The following EHBP1L1 variants were observed in gnomAD, a reference collection of about 807,000 sequenced individuals.
EHBP1L1 encodes the protein EH domain binding protein 1 like 1.
A neutral mutation model predicts 151.1 loss-of-function variants in EHBP1L1; 122 were observed. The ratio of observed to expected loss-of-function variants is 0.81; its 90% CI spans 0.70 to 0.94. The LOEUF is 0.94. Among genes scored for constraint, EHBP1L1 ranks in the 40% least tolerant of loss-of-function variants. EHBP1L1 has a pLI of 0.00. For missense variants in EHBP1L1, 1,941 were observed against 1,959.8 expected, an observed-to-expected ratio of 0.99 and a Z score of 0.18; for synonymous variants, 878 against 810.1, an observed-to-expected ratio of 1.08 and a Z score of -1.42.
At position 65,581,080 on chromosome 11, in the gene EHBP1L1, G is replaced by T. The variant is rs762977125; in HGVS notation, c.657G>T (p.Thr219=). The T allele has an allele frequency of 6.2e-7, 1 of 1,612,116 alleles. No individual in the cohort carries two copies. Among genetic ancestry groups the T allele is most frequent in the African/African-American group, 1.3e-5 (1 of 74,998 alleles). The change falls in exon 7 of 19, where the codon ACG becomes ACT. Residue 219 remains threonine, a synonymous_variant. Transcript: ENST00000309295. ...PQPDPSRELK[T]LCEEEEEGQG... ...CAGATCCCTCTCGAGAGCTGAAGAC[G>T]CTTTGTGAGGAGGAGGAGGAAGGCC...
chr11:65,578,544 G>C (rs1334840929), intron 1 of EHBP1L1, among the ~76,000 whole-genome samples: 1 of 152,138 alleles, frequency 6.6e-6, no homozygotes, highest in Admixed American at 6.5e-5. Flanking sequence ...TTCTTGACTG[G>C]TAGTCTGCCC....
chr11:65,577,238 C>T (rs955142845), intron 1 of EHBP1L1, among the ~76,000 whole-genome samples: 6 of 151,794 alleles, frequency 4.0e-5, no homozygotes, highest in Admixed American at 1.3e-4. Context: ...GGGCCTCACC[C>T]GCCAGGCGGG....
Position 65,590,475 on chromosome 11 carries a change from T to C in EHBP1L1, c.4184-18T>C. The C allele has an allele frequency of 1.1e-5, 18 of 1,611,588 alleles. No homozygotes were observed. The highest frequency in any genetic ancestry group is 1.5e-5 in the Non-Finnish European group (18 of 1,179,298). On this transcript the variant is annotated intron_variant, in intron 15 of 18. Coordinates refer to ENST00000309295, the MANE Select transcript of EHBP1L1 (RefSeq NM_001099409.3). Reference sequence around the variant, plus strand: ...CGGGGCAGGGGGCAGGCCTGGTGACTGTCCCTGTCCAATGCAGGTGCCAAC... The same window carrying C: ...CGGGGCAGGGGGCAGGCCTGGTGACCGTCCCTGTCCAATGCAGGTGCCAAC...
rs1358825930 is a variant in EHBP1L1, at chr11:65,581,633, G to T, written c.961G>T (p.Glu321Ter). Residue 321 changes from glutamate (E) to a stop codon, truncating the protein, a stop_gained, in exon 9 of 19, where the codon GAA becomes TAA. Coordinates refer to ENST00000309295, the MANE Select transcript of EHBP1L1 (RefSeq NM_001099409.3). LOFTEE classifies it high-confidence loss of function. ...CCTCCGGCCCCCAGTCCCCCAGGGGGAAGATGAGGTCCCCAAAGCCTCAGG... is the reference window on the plus strand; with the variant it reads ...CCTCCGGCCCCCAGTCCCCCAGGGGTAAGATGAGGTCCCCAAAGCCTCAGG... Reference protein sequence around the residue: ...DALRPPVPQGEDEVPKASGAP... With the variant: ...DALRPPVPQG The T allele has an allele frequency of 1.9e-6, 3 of 1,551,868 alleles. No individual in the cohort carries two copies.
Position 65,582,788 on chromosome 11 carries a change from G to A in EHBP1L1, c.2116G>A (p.Val706Met). Reference protein sequence around the residue: ...SEMLGTQETEVEASRVPESEA... With the variant: ...SEMLGTQETEMEASRVPESEA... ...GATGCTGGGGACCCAGGAGACAGAGGTGGAAGCTTCTAGGGTACCAGAGTC... is the reference window on the plus strand; with the variant it reads ...GATGCTGGGGACCCAGGAGACAGAGATGGAAGCTTCTAGGGTACCAGAGTC... Residue 706 changes from valine (V) to methionine (M), a missense_variant, in exon 9 of 19, where the codon GTG becomes ATG. Transcript: ENST00000309295. 1.2e-6 allele frequency: 2 copies of A among 1,613,646 alleles called. No homozygotes were observed. Among genetic ancestry groups the A allele is most frequent in the Non-Finnish European group, 1.7e-6 (2 of 1,179,842 alleles).
chr11:65,577,647 C>G (rs1857394558), intron 1 of EHBP1L1, among the ~76,000 whole-genome samples: 1 of 152,060 alleles, frequency 6.6e-6, no homozygotes, highest in Admixed American at 6.5e-5. Context: ...CAGCCTGAGT[C>G]AGGCTGCCCA....
At chr11:65,580,620 A>T in intron 6 of EHBP1L1, 141 bp downstream of exon 6, 3 of 1,139,422 alleles carry the variant, frequency 2.6e-6, no homozygotes, top group Non-Finnish European at 3.6e-6. Context: ...CAGCAGCCTC[A>T]ATTGTCCCAA....
Position 65,585,906 on chromosome 11 carries a change from G to C in EHBP1L1, c.3933+315G>C, listed in dbSNP as rs576619348. On this transcript the variant is annotated intron_variant, in intron 12 of 18. Transcript: ENST00000309295. The surrounding 1 kb of genome is among the most constrained non-coding windows in gnomAD (Gnocchi z 4.0). ...GAGGGTTTTTAGTGCTTGGCACTTG[G>C]TGTGGGGAATCAGGCTGCAGAAGTT... Among the ~76,000 whole-genome samples the C allele has an allele frequency of 6.6e-6, 1 of 152,358 alleles. No individual in the cohort carries two copies. Among genetic ancestry groups the C allele is most frequent in the South Asian group, 2.1e-4 (1 of 4,830 alleles).
chr11:65,585,062 G>A lies in EHBP1L1; in HGVS notation c.3404G>A (p.Cys1135Tyr). The A allele has an allele frequency of 6.5e-7, 1 of 1,543,896 alleles. No homozygotes were observed. Among genetic ancestry groups the A allele is most frequent in the Non-Finnish European group, 8.7e-7 (1 of 1,152,418 alleles). ...PDKLIVMTYL[C>Y]QIRAFCTGQE... ...AAGCTCATCGTCATGACGTACCTGTGCCAGATCCGCGCCTTCTGCACCGGG... is the reference window on the plus strand; with the variant it reads ...AAGCTCATCGTCATGACGTACCTGTACCAGATCCGCGCCTTCTGCACCGGG... The change falls in exon 12 of 19, where the codon TGC (cysteine) becomes TAC (tyrosine). Residue 1135 changes from cysteine (C) to tyrosine (Y), a missense_variant. By Grantham distance (194) the Cys-to-Tyr change is radical. Coordinates refer to ENST00000309295, the MANE Select transcript of EHBP1L1 (RefSeq NM_001099409.3). This position sits in a 1 kb window ranked among gnomAD's most constrained non-coding sequence, Gnocchi z 4.0.
Position 65,582,684 on chromosome 11 carries a change from C to T in EHBP1L1, c.2012C>T (p.Ala671Val), listed in dbSNP as rs1032973523. 6.2e-7 allele frequency: 1 copy of T among 1,613,608 alleles called. No individual in the cohort carries two copies. ...GTTTTGCAGACAAGAACTACGATAG[C>T]AGAGACTGAGGTACTGGTGACCCAG... is the stretch of plus-strand genomic sequence containing the variant. The part of the protein sequence containing the change: ...SGVLQTRTTI[A>V]ETEVLVTQEI... The change falls in exon 9 of 19, where the codon GCA becomes GTA. Residue 671 changes from alanine (A) to valine (V), a missense_variant. Physicochemically the swap from Ala to Val is moderately conservative, Grantham distance 64. Transcript: ENST00000309295.
chr11:65,591,938 G>A (rs549160852), intron 17 of EHBP1L1, 38 bp from the exon 18 acceptor site: 1 of 1,608,050 alleles, frequency 6.2e-7, no homozygotes, highest in African/African-American at 1.3e-5. Context: ...ACAGCCCTGG[G>A]CCCGCGCCTC....
Position 65,581,317 on chromosome 11 carries a change from G to A in EHBP1L1, c.810G>A (p.Ala270=), listed in dbSNP as rs375072714. 506 of 1,610,128 alleles carry A rather than the reference G, an allele frequency of 3.1e-4. 8 individuals carry two copies. In the South Asian group the frequency reaches 5.2e-3, roughly 17 times the overall value. ...RGQGSERANE[A]GGQVGPEAPR... is the part of the protein sequence containing the mutation. ...AGGGGTCAGAACGAGCTAATGAAGC[G>A]GGGGGCCAGGTAGGCCCTGAGGCCC... The change falls in exon 8 of 19, where the codon GCG becomes GCA. Residue 270 remains alanine, a synonymous_variant. Transcript: ENST00000309295.
chr11:65,576,473 G>T, intron 1 of EHBP1L1, 67 bp downstream of exon 1: 1 of 1,418,846 alleles, frequency 7.0e-7, no homozygotes, highest in Non-Finnish European at 9.6e-7. Context: ...CTTTGAGCCT[G>T]AGAGGACTCT....
intron 6 of EHBP1L1, 52 bp from the exon 7 acceptor site, chr11:65,581,006 G>A: frequency 6.4e-7 from 1 of 1,550,818 alleles, no homozygotes. Flanking sequence ...CAGGCCTGTG[G>A]GGCCCTGCCC....
At chr11:65,588,395 G>T (rs1030136181) in intron 12 of EHBP1L1, among the ~76,000 whole-genome samples, 1 of 152,164 alleles carries the variant, frequency 6.6e-6, no homozygotes, top group Non-Finnish European at 1.5e-5. Flanking sequence ...AGGCTGGGGG[G>T]CTGAGGAGAG....
Position 65,583,251 on chromosome 11 carries a change from A to G in EHBP1L1, c.2579A>G (p.Glu860Gly), listed in dbSNP as rs752325061. 18 of 1,613,358 alleles carry G rather than the reference A, an allele frequency of 1.1e-5. No individual in the cohort carries two copies. The highest frequency in any genetic ancestry group is 1.4e-5 in the Non-Finnish European group (16 of 1,179,814). The change falls in exon 9 of 19, where the codon GAG becomes GGG. Residue 860 changes from glutamate to glycine, a missense_variant. Glu to Gly is a moderately conservative substitution (Grantham distance 98, BLOSUM62 -2). Transcript: ENST00000309295. Reference protein sequence around the residue: ...GISGPEAGMAEARVLMTRKTE... With the variant: ...GISGPEAGMAGARVLMTRKTE... ...TCAGGGCCCGAGGCTGGAATGGCAG[A>G]GGCCCGAGTACTGATGACCCGTAAG...
chr11:65,577,824 C>G (rs184665381), intron 1 of EHBP1L1, among the ~76,000 whole-genome samples: 1 of 152,308 alleles, frequency 6.6e-6, no homozygotes, highest in Non-Finnish European at 1.5e-5. Context: ...TGGCTCCAAA[C>G]CTCTGTGGGC....
chr11:65,583,374 C>A lies in EHBP1L1; in HGVS notation c.2702C>A (p.Ala901Asp), dbSNP rs750869214. The change falls in exon 9 of 19, where the codon GCT becomes GAT. Residue 901 changes from alanine (A) to aspartate (D), a missense_variant. By Grantham distance (126) the Ala-to-Asp change is moderately radical. Coordinates refer to ENST00000309295, the MANE Select transcript of EHBP1L1 (RefSeq NM_001099409.3). Reference sequence around the variant, plus strand: ...GTTGGGAGTGCTCTCAAATATGAGGCTTTAAGGGCCCCAGTCACTCAGCCA... The same window carrying A: ...GTTGGGAGTGCTCTCAAATATGAGGATTTAAGGGCCCCAGTCACTCAGCCA... ...TRVGSALKYE[A>D]LRAPVTQPRV... The A allele has an allele frequency of 1.2e-6, 2 of 1,613,440 alleles. No homozygotes were observed. The highest frequency in any genetic ancestry group is 1.7e-6 in the Non-Finnish European group (2 of 1,179,718).
At position 65,579,564 on chromosome 11, in the gene EHBP1L1, GGGGGGCCTGCTCAGCATCACTGGCCCA is replaced by G. The variant is rs1185960232; in HGVS notation, c.258+131_258+157del. The G allele has an allele frequency of 5.5e-6, 4 of 726,832 alleles. No homozygotes were observed. In the East Asian group the frequency reaches 8.7e-5, roughly 16 times the overall value. 45.0% of individuals were successfully genotyped at this position (726,832 alleles called of 1,614,324 possible). On this transcript the variant is annotated intron_variant, in intron 3 of 18. Transcript: ENST00000309295. Reference sequence around the variant, plus strand: ...ATGCGGGGGGTGAGGCCAAGAATTAGGGGGGCCTGCTCAGCATCACTGGCCCAGGAGGTCTCCTTGGAGGAGGCAGCA... The same window carrying G: ...ATGCGGGGGGTGAGGCCAAGAATTAGGGAGGTCTCCTTGGAGGAGGCAGCA...
Sources: allele counts gnomAD v4.1 joint callset (sites outside exome capture counted in the v4.1 genomes callset), GRCh38; gene constraint gnomAD v4.1.1; non-coding constraint Gnocchi (gnomAD v3.1); transcripts MANE v1.5; gene names NCBI Gene and HGNC (gene_info 2026-07-23, HGNC 2026-07-21).